The following PCDHA2 variants were observed in gnomAD, a reference collection of about 807,000 sequenced individuals.
PCDHA2 encodes protocadherin alpha 2.
A neutral mutation model predicts 66.0 loss-of-function variants in PCDHA2; 58 were observed. The ratio of observed to expected loss-of-function variants is 0.88; its 90% CI spans 0.71 to 1.09. The LOEUF (loss-of-function observed/expected upper bound fraction) is 1.09. Among genes scored for constraint, PCDHA2 ranks in the 50% least tolerant of loss-of-function variants. PCDHA2 has a pLI of 0.00. For synonymous variants in PCDHA2, 634 were observed against 554.0 expected (o/e 1.14, Z -2.03); for missense variants, 1,267 against 1,242.3 (o/e 1.02, Z -0.30).
At chr5:140,823,307 C>G in intron 1 of PCDHA2, 1 of 1,612,266 alleles carries the variant, frequency 6.2e-7, no homozygotes, top group Non-Finnish European at 8.5e-7. Context: ...TCGGTGCACG[C>G]GGAGAGCGGC....
intron 3 of PCDHA2, among the ~76,000 whole-genome samples, chr5:140,996,257 C>G (rs186736348): frequency 1.4e-4 from 22 of 152,342 alleles, no homozygotes; most frequent in African/African-American, 5.3e-4. Flanking sequence ...GACAGCAACA[C>G]AGAGCCTGGG....
chr5:140,930,012 A>G (rs1369011586), intron 1 of PCDHA2: 1 of 152,208 alleles, frequency 6.6e-6, no homozygotes, highest in Non-Finnish European at 1.5e-5. Context: ...CATAGCTGAT[A>G]GCTCCATAGC....
At chr5:141,009,476 C>T in intron 3 of PCDHA2, 151 bp from the exon 4 acceptor site, 4 of 1,420,154 alleles carry the variant, frequency 2.8e-6, no homozygotes, top group Non-Finnish European at 2.8e-6. Flanking sequence ...AATAAGTAAA[C>T]ACTTGCCTTG....
intron 1 of PCDHA2, among the ~76,000 whole-genome samples, chr5:140,914,386 G>A (rs565819670): frequency 2.6e-5 from 4 of 152,216 alleles, no homozygotes; most frequent in East Asian, 1.9e-4. Flanking sequence ...TGTTATAAGT[G>A]TAGTTACCCC....
At chr5:140,836,364 G>A (rs1774415317) in intron 1 of PCDHA2, 1 of 1,613,596 alleles carries the variant, frequency 6.2e-7, no homozygotes, top group Admixed American at 1.7e-5. Context: ...CTCGCTGACA[G>A]CCACAGCCAC....
intron 1 of PCDHA2, among the ~76,000 whole-genome samples, chr5:140,964,836 T>G (rs1306843318): frequency 1.3e-5 from 2 of 152,148 alleles, no homozygotes; most frequent in African/African-American, 4.8e-5. Flanking sequence ...AATTGCTTCC[T>G]ACTCTGTACC....
chr5:140,881,398 AT>A (rs1269168835), intron 1 of PCDHA2: 1 of 975,426 alleles, frequency 1.0e-6, no homozygotes, highest in Non-Finnish European at 1.2e-6. Context: ...GTTAAATTCT[AT>A]TAAATCAATA....
At chr5:140,924,596 T>C (rs1309205821) in intron 1 of PCDHA2, among the ~76,000 whole-genome samples, 1 of 152,116 alleles carries the variant, frequency 6.6e-6, no homozygotes, top group Non-Finnish European at 1.5e-5. Context: ...TATAGAAATA[T>C]GCAGGCTGAT....
Position 140,842,900 on chromosome 5 carries a change from G to A in PCDHA2, c.2388+45548G>A, listed in dbSNP as rs2150347456. ...CGCGCTGCAGCCGCTGGACCACGAG[G>A]AGCTAGAGCTGCTGCAGTTCCAGGT... On this transcript the variant is annotated intron_variant, in intron 1 of 3. Transcript: ENST00000526136. 6.3e-7 allele frequency: 1 copy of A among 1,594,414 alleles called. No homozygotes were observed. The highest frequency in any genetic ancestry group is 2.2e-5 in the East Asian group (1 of 44,796).
At chr5:140,948,313 G>T (rs1554218515) in intron 1 of PCDHA2, among the ~76,000 whole-genome samples, 2 of 151,362 alleles carry the variant, frequency 1.3e-5, no homozygotes, top group Non-Finnish European at 3.0e-5. Flanking sequence ...TCTTCTTGAG[G>T]GGTAATGTTT....
At chr5:140,858,451 T>C in intron 1 of PCDHA2, 1 of 1,531,552 alleles carries the variant, frequency 6.5e-7, no homozygotes, top group East Asian at 2.4e-5. Context: ...GTTATTACGT[T>C]TTCATTTTCC....
intron 3 of PCDHA2, among the ~76,000 whole-genome samples, chr5:141,006,373 G>A (rs550999366): frequency 1.1e-4 from 17 of 151,910 alleles, no homozygotes; most frequent in African/African-American, 3.1e-4. Context: ...CACCACGCCC[G>A]GCTAAGTTTT....
intron 1 of PCDHA2, chr5:140,805,055 C>T (rs1554123209): frequency 1.3e-6 from 2 of 1,591,694 alleles, no homozygotes; most frequent in Non-Finnish European, 1.7e-6. Flanking sequence ...TACTTGTCTT[C>T]CCAGATATGG....
At chr5:140,898,701 A>G (rs1216294301) in intron 1 of PCDHA2, among the ~76,000 whole-genome samples, 2 of 152,102 alleles carry the variant, frequency 1.3e-5, no homozygotes, top group African/African-American at 4.8e-5. Context: ...ATGAACTTTA[A>G]AGTAGTTTTT....
In PCDHA2 at chr5:140,796,911, G is replaced by A; in HGVS notation, c.1947G>A (p.Val649=). The A allele has an allele frequency of 6.2e-7, 1 of 1,613,902 alleles. No individual in the cohort carries two copies. The highest frequency in any genetic ancestry group is 8.5e-7 in the Non-Finnish European group (1 of 1,179,988). The part of the protein sequence containing the change: ...EADSPRHRLL[V]LVKDHGEPAL... Reference sequence around the variant, plus strand: ...ACTCCCCTCGACACCGCCTACTCGTGCTGGTGAAGGACCACGGCGAACCAG... The same window carrying A: ...ACTCCCCTCGACACCGCCTACTCGTACTGGTGAAGGACCACGGCGAACCAG... The change falls in exon 1 of 4, where the codon GTG becomes GTA. Residue 649 remains valine (V), a synonymous_variant. Coordinates refer to ENST00000526136, the MANE Select transcript of PCDHA2 (RefSeq NM_018905.3).
intron 1 of PCDHA2, chr5:140,871,583 T>C (rs782012993): frequency 2.0e-6 from 3 of 1,468,262 alleles, no homozygotes; most frequent in Non-Finnish European, 9.0e-7. Flanking sequence ...TAAGGGAAAG[T>C]TTTATGAATA....
At chr5:140,944,718 G>A (rs1554216523) in intron 1 of PCDHA2, among the ~76,000 whole-genome samples, 1 of 152,088 alleles carries the variant, frequency 6.6e-6, no homozygotes, top group East Asian at 1.9e-4. Flanking sequence ...TTTTGCCTTT[G>A]AACACCTTAG....
chr5:140,978,911 T>C, intron 1 of PCDHA2, 38 bp from the exon 2 acceptor site: 1 of 1,613,856 alleles, frequency 6.2e-7, no homozygotes, highest in Non-Finnish European at 8.5e-7. Context: ...AACATTGTCT[T>C]GTCATTTTAA....
chr5:140,901,307 T>A (rs544600785), intron 1 of PCDHA2, among the ~76,000 whole-genome samples: 1 of 152,264 alleles, frequency 6.6e-6, no homozygotes, highest in East Asian at 1.9e-4. Context: ...TTCCGGAGAG[T>A]TTCCCCAATG....
Sources: allele counts gnomAD v4.1 joint callset (sites outside exome capture counted in the v4.1 genomes callset), GRCh38; gene constraint gnomAD v4.1.1; transcripts MANE v1.5; gene names NCBI Gene and HGNC (gene_info 2026-07-23, HGNC 2026-07-21).